COL19A1: variants seen among roughly 807,000 people sequenced by gnomAD.
COL19A1 encodes collagen type XIX alpha 1 chain.
A neutral mutation model predicts 190.2 loss-of-function variants in COL19A1; 159 were observed. The ratio of observed to expected loss-of-function variants is 0.84; its 90% CI spans 0.73 to 0.95. COL19A1 has a LOEUF of 0.95. Among genes scored for constraint, COL19A1 ranks in the 40% least tolerant of loss-of-function variants. The pLI is 0.00. For synonymous variants in COL19A1, 509 were observed against 458.9 expected (o/e 1.11, Z -1.39); for missense variants, 1,418 against 1,431.9 (o/e 0.99, Z 0.16).
intron 4 of COL19A1, among the ~76,000 whole-genome samples, chr6:69,919,961 C>A (rs566759465): frequency 6.6e-6 from 1 of 152,066 alleles, no homozygotes; most frequent in Admixed American, 6.5e-5. Context: ...GCAGTATGTG[C>A]CAATTCTCCC....
intron 14 of COL19A1, among the ~76,000 whole-genome samples, chr6:70,067,003 A>G (rs943699621): frequency 6.6e-6 from 1 of 152,160 alleles, no homozygotes; most frequent in African/African-American, 2.4e-5. Flanking sequence ...ACAGGCACAT[A>G]CCGTGATGAA....
At chr6:69,988,772 A>G (rs899795421) in intron 11 of COL19A1, among the ~76,000 whole-genome samples, 1 of 152,154 alleles carries the variant, frequency 6.6e-6, no homozygotes, top group Non-Finnish European at 1.5e-5. Context: ...TCCTAAATCT[A>G]TAACCTAAAC....
intron 14 of COL19A1, among the ~76,000 whole-genome samples, chr6:70,055,995 A>G (rs768640763): frequency 7.9e-5 from 12 of 151,874 alleles, no homozygotes; most frequent in Non-Finnish European, 1.5e-4. Context: ...TGAGAGTATC[A>G]TTCAGACCTG....
Position 69,948,378 on chromosome 6 carries a change from G to A in COL19A1, c.936+10278G>A, listed in dbSNP as rs1371262740. Among the ~76,000 whole-genome samples the A allele has an allele frequency of 4.0e-5, 6 of 151,780 alleles. No individual in the cohort carries two copies. In the South Asian group the frequency reaches 8.3e-4, roughly 21 times the overall value. On this transcript the variant is annotated intron_variant, in intron 9 of 50. Coordinates refer to ENST00000620364, the MANE Select transcript of COL19A1 (RefSeq NM_001858.6). Reference sequence around the variant, plus strand: ...AATTTATCAAGGTTGGTATAAAATAGCATTAATTTTAACACTCCAAAATGA... The same window carrying A: ...AATTTATCAAGGTTGGTATAAAATAACATTAATTTTAACACTCCAAAATGA...
At position 70,150,038 on chromosome 6, in the gene COL19A1, G is replaced by T; in HGVS notation, c.2030G>T (p.Gly677Val). The change falls in exon 30 of 51, where the codon GGT becomes GTT. Residue 677 changes from glycine (G) to valine (V), a missense_variant. Coordinates refer to ENST00000620364, the MANE Select transcript of COL19A1 (RefSeq NM_001858.6). ...DGKPGLPGPP[G>V]DPIALPLLGD... ...AAGCCAGGCCTGCCAGGCCCCCCAG[G>T]TGACCCGGTATGTAGACAAACCTTG... The T allele has an allele frequency of 6.2e-7, 1 of 1,613,696 alleles. No individual in the cohort carries two copies. The highest frequency in any genetic ancestry group is 1.1e-5 in the South Asian group (1 of 91,072).
rs543378518 is a variant in COL19A1, at chr6:69,937,946, T to C, written c.874-92T>C. ...CAGCTCAGAGGAGAACAAAGCGTTA[T>C]CTTGCTAGTGCCAGCTTCACATTTA... On this transcript the variant is annotated intron_variant, in intron 8 of 50. Transcript: ENST00000620364. The C allele has an allele frequency of 2.5e-5, 31 of 1,225,384 alleles. No homozygotes were observed. The East Asian group carries it at 6.7e-4, about 26-fold the overall frequency. 75.9% of individuals were successfully genotyped at this position (1,225,384 alleles called of 1,614,324 possible).
chr6:69,868,647 G>GC (rs959192862), intron 1 of COL19A1, among the ~76,000 whole-genome samples: 4 of 152,056 alleles, frequency 2.6e-5, no homozygotes, highest in African/African-American at 4.8e-5. Context: ...CTAAGAAAGA[G>GC]CAAAAAGGTG....
chr6:70,018,048 A>G (rs1477014286), intron 11 of COL19A1, among the ~76,000 whole-genome samples: 1 of 152,158 alleles, frequency 6.6e-6, no homozygotes, highest in African/African-American at 2.4e-5. Context: ...TTTTAACAGA[A>G]GATTCAACAG....
At chr6:70,035,295 T>A (rs1779292646) in intron 13 of COL19A1, among the ~76,000 whole-genome samples, 1 of 152,232 alleles carries the variant, frequency 6.6e-6, no homozygotes, top group Non-Finnish European at 1.5e-5. Flanking sequence ...AGATGAACCA[T>A]TTTTTAAAGA....
chr6:70,166,079 T>TA, intron 37 of COL19A1, 94 bp downstream of exon 37: 1 of 1,128,564 alleles, frequency 8.9e-7, no homozygotes, highest in Admixed American at 1.8e-5. Flanking sequence ...TTTTCAAAGA[T>TA]AAAATTCTTC....
chr6:70,064,130 G>A (rs1379446340), intron 14 of COL19A1, among the ~76,000 whole-genome samples: 1 of 152,054 alleles, frequency 6.6e-6, no homozygotes, highest in African/African-American at 2.4e-5. Context: ...CATTTTATGA[G>A]GACAGCATCA....
chr6:69,931,822 C>T (rs1315299721), intron 6 of COL19A1, among the ~76,000 whole-genome samples: 1 of 151,988 alleles, frequency 6.6e-6, no homozygotes, highest in Non-Finnish European at 1.5e-5. Context: ...TTTTGTTCAT[C>T]TGAGGCGAAA....
At chr6:70,090,226 G>T (rs771439415) in intron 15 of COL19A1, among the ~76,000 whole-genome samples, 1 of 151,914 alleles carries the variant, frequency 6.6e-6, no homozygotes, top group Non-Finnish European at 1.5e-5. Context: ...AATGTTATAC[G>T]GTCAGCTGTT....
In COL19A1 at chr6:69,984,555, G is replaced by A. The variant is rs146800407; in HGVS notation, c.1026+21685G>A. ...AATATTTACATCCTGTTCTTAAGTC[G>A]CAAGCCCTAATTTTTATCTTATTTT... On this transcript the variant is annotated intron_variant, in intron 11 of 50. Transcript: ENST00000620364. Among the ~76,000 whole-genome samples, 324 of 151,896 alleles carry A rather than the reference G, an allele frequency of 2.1e-3. 1 individual carries two copies. The highest frequency in any genetic ancestry group is 7.1e-3 in the African/African-American group (293 of 41,438).
At position 70,168,043 on chromosome 6, in the gene COL19A1, C is replaced by T. The variant is rs1264028087; in HGVS notation, c.2464C>T (p.Arg822Ter). 5.0e-6 allele frequency: 8 copies of T among 1,595,278 alleles called. No individual in the cohort carries two copies. The highest frequency in any genetic ancestry group is 2.3e-5 in the South Asian group (2 of 88,334). Residue 822 changes from arginine (R) to a stop codon, truncating the protein, a stop_gained, in exon 38 of 51, where the codon CGA becomes TGA. Coordinates refer to ENST00000620364, the MANE Select transcript of COL19A1 (RefSeq NM_001858.6). LOFTEE classifies it high-confidence loss of function. ...TCCTAAGGGTATTCCATTTAATGAA[C>T]GAAACGGCATGAGCAGTTTATATAA... ...PGPPGIPFNE[R>*]NGMSSLYKIK...
At chr6:70,141,643 A>G (rs1786256317) in intron 20 of COL19A1, among the ~76,000 whole-genome samples, 1 of 152,080 alleles carries the variant, frequency 6.6e-6, no homozygotes. Context: ...TGCTAATGGG[A>G]CATGATAATT....
intron 11 of COL19A1, among the ~76,000 whole-genome samples, chr6:69,996,042 A>T (rs944645440): frequency 6.6e-6 from 1 of 152,130 alleles, no homozygotes; most frequent in African/African-American, 2.4e-5. Context: ...TCTGAACACA[A>T]ATTTATCTCA....
chr6:70,177,946 A>T (rs1765917381), intron 42 of COL19A1, among the ~76,000 whole-genome samples: 1 of 152,252 alleles, frequency 6.6e-6, no homozygotes, highest in South Asian at 2.1e-4. Flanking sequence ...GATGTGCAAC[A>T]GTGGCCACAG....
intron 14 of COL19A1, among the ~76,000 whole-genome samples, chr6:70,051,655 A>G (rs1780208268): frequency 6.6e-6 from 1 of 152,152 alleles, no homozygotes; most frequent in Non-Finnish European, 1.5e-5. Context: ...GATAGCCCAG[A>G]ACAAAAGGGT....
Sources: allele counts gnomAD v4.1 joint callset (sites outside exome capture counted in the v4.1 genomes callset), GRCh38; gene constraint gnomAD v4.1.1; transcripts MANE v1.5; gene names NCBI Gene and HGNC (gene_info 2026-07-23, HGNC 2026-07-21).